Variants in ZNF124 observed in about 807,000 individuals in gnomAD.
ZNF124 encodes zinc finger protein 124.
ZNF124 carries 25 observed loss-of-function variants against 26.6 expected under a neutral mutation model. The ratio of observed to expected loss-of-function variants is 0.94; its 90% confidence interval spans 0.68 to 1.31. The LOEUF (loss-of-function observed/expected upper bound fraction) is 1.31. ZNF124 is among the 40% of genes most tolerant of loss of function. The probability of loss-of-function intolerance (pLI) is 0.00; values close to 1 mark genes in which losing one functional copy is unlikely to be tolerated. For missense variants in ZNF124, 444 were observed against 422.2 expected, an observed-to-expected ratio of 1.05 and a Z score of -0.45; for synonymous variants, 129 against 133.3, an observed-to-expected ratio of 0.97 and a Z score of 0.22.
rs779194538 is a variant in ZNF124 at position 247,156,949 on chromosome 1, C to T, written c.673G>A (p.Glu225Lys). Residue 225 changes from glutamate to lysine, a missense_variant, in exon 4 of 4, where the codon GAA becomes AAA. Glu to Lys is a moderately conservative substitution (Grantham distance 56, BLOSUM62 1). Transcript: ENST00000543802. ...GGTTTCTCTCCAGTGTGAGTTCTTT[C>T]ATGGTAATGAAGGCAATTGGAGTAA... ...FRYSNCLHYH[E>K]RTHTGEKPYV... 2.9e-5 allele frequency: 47 copies of T among 1,612,228 alleles called. No individual in the cohort carries two copies. The highest frequency in any genetic ancestry group is 3.8e-5 in the Non-Finnish European group (45 of 1,179,282).
At chr1:247,138,989 C>T (rs752986374) in intron 3 of ZNF124, among the ~76,000 whole-genome samples, 9 of 152,170 alleles carry the variant, frequency 5.9e-5, no homozygotes, top group African/African-American at 9.6e-5. Context: ...TCTTATCTAC[C>T]GATGACCTGA....
At chr1:247,123,127 T>A (rs955547157) in exon 4 of ZNF124, 1 of 152,050 alleles carries the variant, frequency 6.6e-6, no homozygotes, top group African/African-American at 2.4e-5. Flanking sequence ...ATAAGATCAC[T>A]GGACTATTTC....
Position 247,133,798 on chromosome 1 carries a change from C to G in ZNF124, c.219-9927G>C, listed in dbSNP as rs1026366874. ...CCTCCCAAGTAGCGGGGATTACAGG[C>G]ATGCACCACCATGCCCGGCAAGTTT... On this transcript the variant is annotated intron_variant, in intron 3 of 3. Coordinates refer to the ZNF124 transcript ENST00000472531. Among the ~76,000 whole-genome samples the G allele has an allele frequency of 8.6e-5, 13 of 151,842 alleles. 1 individual carries two copies. Among genetic ancestry groups the G allele is most frequent in the African/African-American group, 3.1e-4 (13 of 41,308 alleles).
intron 1 of ZNF124, among the ~76,000 whole-genome samples, chr1:247,161,306 T>C (rs756939798): frequency 4.6e-5 from 7 of 152,130 alleles, no homozygotes; most frequent in Non-Finnish European, 7.4e-5. Flanking sequence ...AGAGGAGGCA[T>C]TGTAGGATAG....
intron 3 of ZNF124, among the ~76,000 whole-genome samples, chr1:247,149,040 C>T (rs996990034): frequency 1.3e-5 from 2 of 152,134 alleles, no homozygotes; most frequent in African/African-American, 4.8e-5. Context: ...CAACCACTGC[C>T]TCAGAGAAAG....
At chr1:247,124,415 ATG>A (rs774014723) in intron 3 of ZNF124, among the ~76,000 whole-genome samples, 14 of 151,180 alleles carry the variant, frequency 9.3e-5, no homozygotes, top group Admixed American at 2.0e-4. Flanking sequence ...GTTGGCCAGG[ATG>A]GTCTTAAACT....
At chr1:247,152,745 T>C (rs1207705882), downstream of ZNF124, among the ~76,000 whole-genome samples, 1 of 152,226 alleles carries the variant, frequency 6.6e-6, no homozygotes, top group African/African-American at 2.4e-5. Flanking sequence ...GAGTATATAC[T>C]GTCAGTTTCT....
At chr1:247,170,669 T>A (rs1674059261) in intron 1 of ZNF124, among the ~76,000 whole-genome samples, 1 of 143,572 alleles carries the variant, frequency 7.0e-6, no homozygotes, top group Non-Finnish European at 1.5e-5. Flanking sequence ...CTGTCCCTTT[T>A]AAGGGCTTAC....
At chr1:247,145,064 G>T (rs1672727868) in intron 3 of ZNF124, among the ~76,000 whole-genome samples, 1 of 152,172 alleles carries the variant, frequency 6.6e-6, no homozygotes, top group African/African-American at 2.4e-5. Context: ...GTGGGCCACT[G>T]CGCCTGGCCA....
At chr1:247,132,901 T>C (rs1197414526) in intron 3 of ZNF124, among the ~76,000 whole-genome samples, 2 of 152,160 alleles carry the variant, frequency 1.3e-5, no homozygotes, top group Non-Finnish European at 2.9e-5. Context: ...AATTGCTCAC[T>C]CAGGGAGCTT....
Position 247,157,107 on chromosome 1 carries a change from T to C in ZNF124, c.515A>G (p.His172Arg), listed in dbSNP as rs1206879029. ...ACATTCATAGCGTTTTTCTCCAGTG[T>C]GAATCCTTTTATGTCTATTAAGAGA... is the stretch of plus-strand genomic sequence containing the variant. ...SRSLNRHKRI[H>R]TGEKRYECKQ... The change falls in exon 4 of 4, where the codon CAC becomes CGC. Residue 172 changes from histidine (H) to arginine (R), a missense_variant. Transcript: ENST00000543802. 6.2e-7 allele frequency: 1 copy of C among 1,614,100 alleles called. No homozygotes were observed. The highest frequency in any genetic ancestry group is 1.3e-5 in the African/African-American group (1 of 74,946).
downstream of ZNF124, among the ~76,000 whole-genome samples, chr1:247,151,408 G>C (rs1421777550): frequency 1.8e-4 from 27 of 151,716 alleles, no homozygotes; most frequent in Non-Finnish European, 3.8e-4. Context: ...GAACTCGGGA[G>C]GCGGAGCTTG....
intron 1 of ZNF124, among the ~76,000 whole-genome samples, chr1:247,169,648 T>C (rs1454874309): frequency 2.0e-5 from 3 of 151,094 alleles, no homozygotes; most frequent in Non-Finnish European, 4.4e-5. Flanking sequence ...TTCAGGTTCC[T>C]GCCTCACTGC....
chr1:247,160,964 G>C (rs191035209), intron 1 of ZNF124, among the ~76,000 whole-genome samples: 7 of 152,262 alleles, frequency 4.6e-5, no homozygotes, highest in African/African-American at 1.4e-4. Flanking sequence ...AATAGAATAA[G>C]TGAAAAGGCA....
At chr1:247,170,629 C>CA (rs1281266964) in intron 1 of ZNF124, among the ~76,000 whole-genome samples, 4,237 of 139,302 alleles carry the variant, frequency 0.03, 55 homozygotes, top group Middle Eastern at 0.048. Context: ...CTCACGTCTC[C>CA]AAAAACCCAG....
chr1:247,155,839 C>A lies in ZNF124; in HGVS notation c.*727G>T, dbSNP rs12049018. 5.4e-6 allele frequency: 4 copies of A among 747,326 alleles called. No individual in the cohort carries two copies. The African/African-American group carries it at 6.3e-5, about 12-fold the overall frequency. The allele number at this position is 747,326 out of a possible 1,614,324, so 46.3% of individuals were successfully genotyped here. A position where few individuals can be genotyped will look rare whatever the true frequency, so the allele number is the denominator to read the frequency against. On this transcript the variant is annotated 3_prime_UTR_variant, in exon 4 of 4. Coordinates refer to ENST00000543802, the MANE Select transcript of ZNF124 (RefSeq NM_001297568.2). ...TTGTGCCACTGCACACCAGCCTGGG[C>A]GACAAAGTGAGACTCCATCTCAAAA... is the stretch of plus-strand genomic sequence containing the variant.
chr1:247,148,221 C>T (rs1008261341), intron 3 of ZNF124, among the ~76,000 whole-genome samples: 13 of 152,274 alleles, frequency 8.5e-5, no homozygotes, highest in Admixed American at 2.6e-4. Context: ...AACAGGTTGG[C>T]GAGTGGAGGG....
chr1:247,159,309 GGTT>G (rs1020940143), intron 2 of ZNF124, among the ~76,000 whole-genome samples: 1 of 152,174 alleles, frequency 6.6e-6, no homozygotes, highest in African/African-American at 2.4e-5. Flanking sequence ...CCAGAGGGCA[GGTT>G]GTTATAAAAG....
chr1:247,164,184 C>T (rs1479598074), intron 1 of ZNF124, among the ~76,000 whole-genome samples: 3 of 152,292 alleles, frequency 2.0e-5, no homozygotes, highest in African/African-American at 7.2e-5. Flanking sequence ...CCACAGCCAA[C>T]ATCATAGTGA....
Sources: gnomAD v4.1 joint callset for allele counts (sites outside exome capture counted in the v4.1 genomes callset) on GRCh38, gnomAD v4.1.1 for gene constraint, MANE v1.5 for transcripts, NCBI Gene and HGNC (gene_info 2026-07-23, HGNC 2026-07-21) for gene names.